The following COL8A1 variants were observed in gnomAD, a reference collection of about 807,000 sequenced individuals.
COL8A1 encodes the protein collagen type VIII alpha 1 chain.
In COL8A1, 21 loss-of-function variants were observed where a neutral mutation model predicts 42.7. That is an observed-to-expected ratio of 0.49 (90% CI 0.35 to 0.71). The LOEUF is 0.71. Among genes scored for constraint, COL8A1 ranks in the 30% least tolerant of loss-of-function variants. COL8A1 has a pLI of 0.01. For missense variants in COL8A1, 788 were observed against 962.4 expected (o/e 0.82, Z 2.40); for synonymous variants, 367 against 369.1 (o/e 0.99, Z 0.06).
At chr3:99,784,926 A>G (rs1941864367) in intron 2 of COL8A1, among the ~76,000 whole-genome samples, 1 of 152,230 alleles carries the variant, frequency 6.6e-6, no homozygotes, top group South Asian at 2.1e-4. Context: ...ACAAAGGTAC[A>G]TATCCTTGAT....
intron 2 of COL8A1, among the ~76,000 whole-genome samples, chr3:99,774,020 T>A (rs1455809681): frequency 1.3e-5 from 2 of 149,312 alleles, no homozygotes; most frequent in Non-Finnish European, 3.0e-5. Flanking sequence ...AATTTTTGTA[T>A]TTTTAGTAGA....
At chr3:99,736,239 A>T (rs2107393065) in intron 1 of COL8A1, among the ~76,000 whole-genome samples, 1 of 151,950 alleles carries the variant, frequency 6.6e-6, no homozygotes, top group Non-Finnish European at 1.5e-5. Flanking sequence ...TTTAATTGTG[A>T]TGTTAGGGTG....
intron 1 of COL8A1, among the ~76,000 whole-genome samples, chr3:99,694,963 A>G (rs1480456149): frequency 6.6e-6 from 1 of 152,220 alleles, no homozygotes; most frequent in Non-Finnish European, 1.5e-5. Flanking sequence ...AATATAATTA[A>G]CATCCTCTGT....
chr3:99,794,607 C>T lies in COL8A1; in HGVS notation c.706C>T (p.Leu236Phe). The stretch of plus-strand genomic sequence containing the variant: ...CAAAGGACTACCAGGACCTCAAGGC[C>T]TTCGGGGTCCTAAAGGAGACAAGGG... ...GPKGLPGPQG[L>F]RGPKGDKGFG... Residue 236 changes from leucine to phenylalanine, a missense_variant, in exon 4 of 4, where the codon CTT becomes TTT. By Grantham distance (22) the Leu-to-Phe change is conservative. Around this residue, in one of 4 missense-constraint regions of COL8A1, gnomAD observed 421 missense variants for 553.1 expected, o/e 0.76. Coordinates refer to ENST00000652472, the MANE Select transcript of COL8A1 (RefSeq NM_020351.4). The surrounding 1 kb of genome is among the most constrained non-coding windows in gnomAD (Gnocchi z 4.3). 6.2e-7 allele frequency: 1 copy of T among 1,613,582 alleles called. No homozygotes were observed. The highest frequency in any genetic ancestry group is 8.5e-7 in the Non-Finnish European group (1 of 1,179,806).
At chr3:99,757,623 A>G (rs1941279875) in intron 2 of COL8A1, among the ~76,000 whole-genome samples, 1 of 152,182 alleles carries the variant, frequency 6.6e-6, no homozygotes, top group Non-Finnish European at 1.5e-5. Context: ...TACCTTTATC[A>G]GTTCTGACCT....
At chr3:99,646,118 T>C (rs1188293359) in intron 1 of COL8A1, among the ~76,000 whole-genome samples, 1 of 152,186 alleles carries the variant, frequency 6.6e-6, no homozygotes, top group Non-Finnish European at 1.5e-5. Context: ...ACCTTTCTGT[T>C]GAACATTTCC....
chr3:99,669,101 T>G (rs1157508524), intron 1 of COL8A1, among the ~76,000 whole-genome samples: 3 of 145,064 alleles, frequency 2.1e-5, no homozygotes, highest in African/African-American at 7.7e-5. Context: ...ATATGGCTTT[T>G]TAAGACCTTG....
intron 1 of COL8A1, among the ~76,000 whole-genome samples, chr3:99,673,728 C>T (rs1938612181): frequency 6.6e-6 from 1 of 151,890 alleles, no homozygotes; most frequent in South Asian, 2.1e-4. Flanking sequence ...ATAGAGGTAG[C>T]AGAGCATAGG....
At chr3:99,692,637 G>C (rs1245016213) in intron 1 of COL8A1, among the ~76,000 whole-genome samples, 1 of 152,194 alleles carries the variant, frequency 6.6e-6, no homozygotes, top group African/African-American at 2.4e-5. Context: ...GACTATTCTA[G>C]GTTTTGCCTG....
intron 1 of COL8A1, among the ~76,000 whole-genome samples, chr3:99,668,272 A>C (rs976779167): frequency 8.5e-5 from 13 of 152,168 alleles, no homozygotes; most frequent in African/African-American, 3.1e-4. Context: ...GGTCCATTTA[A>C]TTAGGAAAGC....
intron 2 of COL8A1, among the ~76,000 whole-genome samples, chr3:99,786,620 A>C (rs762580468): frequency 3.3e-5 from 5 of 152,168 alleles, no homozygotes; most frequent in Non-Finnish European, 7.4e-5. Flanking sequence ...GCTTTTTCAA[A>C]GCACTCAAAT....
chr3:99,760,923 C>T (rs1159205066), intron 2 of COL8A1, among the ~76,000 whole-genome samples: 1 of 152,182 alleles, frequency 6.6e-6, no homozygotes, highest in African/African-American at 2.4e-5. Context: ...CCAGCAAAGC[C>T]TCGTCTGTTT....
intron 1 of COL8A1, among the ~76,000 whole-genome samples, chr3:99,663,828 A>C (rs1354491590): frequency 6.6e-6 from 1 of 152,178 alleles, no homozygotes; most frequent in African/African-American, 2.4e-5. Context: ...CCACACATCT[A>C]AGAAAAATGA....
intron 1 of COL8A1, among the ~76,000 whole-genome samples, chr3:99,725,876 C>T (rs1295617767): frequency 2.6e-5 from 4 of 151,962 alleles, no homozygotes; most frequent in East Asian, 1.9e-4. Flanking sequence ...AATAAACATA[C>T]GTGTGCATAT....
intron 1 of COL8A1, among the ~76,000 whole-genome samples, chr3:99,733,037 A>T (rs1940567928): frequency 1.3e-5 from 2 of 151,340 alleles, no homozygotes; most frequent in Non-Finnish European, 2.9e-5. Flanking sequence ...GGTCATGCCG[A>T]TGCAAAATGT....
chr3:99,708,353 C>T (rs936479294), intron 1 of COL8A1, among the ~76,000 whole-genome samples: 25 of 152,076 alleles, frequency 1.6e-4, no homozygotes, highest in African/African-American at 6.0e-4. Context: ...AGGGGGAGTG[C>T]CTGTCCCTAA....
intron 1 of COL8A1, among the ~76,000 whole-genome samples, chr3:99,681,303 C>A (rs999151244): frequency 5.3e-5 from 8 of 152,016 alleles, no homozygotes. Flanking sequence ...GAAAAAAAAT[C>A]AAACAACCCC....
intron 1 of COL8A1, among the ~76,000 whole-genome samples, chr3:99,717,679 C>G (rs1374653921): frequency 3.9e-5 from 6 of 151,924 alleles, no homozygotes; most frequent in Non-Finnish European, 7.4e-5. Flanking sequence ...AGACTGAGCC[C>G]AAACCCCAAT....
chr3:99,769,880 T>C (rs1483499144), intron 2 of COL8A1, among the ~76,000 whole-genome samples: 11 of 151,940 alleles, frequency 7.2e-5, no homozygotes, highest in South Asian at 2.1e-4. Context: ...AATGGCGCCA[T>C]TGCACTCCAG....
Sources: gnomAD v4.1 joint callset for allele counts (sites outside exome capture counted in the v4.1 genomes callset) on GRCh38, gnomAD v4.1.1 for gene constraint, gnomAD v4.1.1 regional missense constraint, Gnocchi (gnomAD v3.1) non-coding constraint, MANE v1.5 for transcripts, NCBI Gene and HGNC (gene_info 2026-07-23, HGNC 2026-07-21) for gene names.